Variants in RBMS3 observed in about 807,000 individuals in gnomAD.
RBMS3 encodes the protein RNA-binding motif, single-stranded-interacting protein 3.
A neutral mutation model predicts 66.8 loss-of-function variants in RBMS3; 27 were observed. That is an observed-to-expected ratio of 0.40 (90% confidence interval 0.30 to 0.56). The LOEUF is 0.56. RBMS3 is among the 20% of genes least tolerant of loss of function. The pLI, the probability that RBMS3 is intolerant of heterozygous loss-of-function variation, is 0.40. For missense variants in RBMS3, 513 were observed against 549.5 expected (o/e 0.93, Z 0.66); for synonymous variants, 188 against 183.0 (o/e 1.03, Z -0.22).
chr3:29,740,897 G>C (rs539251636), intron 5 of RBMS3, among the ~76,000 whole-genome samples: 2 of 151,946 alleles, frequency 1.3e-5, no homozygotes, highest in African/African-American at 4.8e-5. Context: ...AAAATTAGCC[G>C]TTGCGTGGTG....
intron 4 of RBMS3, among the ~76,000 whole-genome samples, chr3:29,612,686 A>T (rs1473256492): frequency 6.6e-6 from 1 of 152,074 alleles, no homozygotes; most frequent in Non-Finnish European, 1.5e-5. Context: ...ATAAATGGTT[A>T]TGAATGAAGC....
At chr3:29,522,725 G>A (rs760022189) in intron 3 of RBMS3, among the ~76,000 whole-genome samples, 4 of 152,018 alleles carry the variant, frequency 2.6e-5, no homozygotes, top group Admixed American at 6.6e-5. Context: ...TCTTTTATTC[G>A]TCTGCCAATA....
rs4680831 is a variant in RBMS3 at position 29,415,177 on chromosome 3, G to T, written c.76-19566G>T. Among the ~76,000 whole-genome samples the T allele has an allele frequency of 3.4e-4, 52 of 152,176 alleles. 2 individuals are homozygous for T. Among genetic ancestry groups the T allele is most frequent in the Admixed American group, 3.0e-3 (46 of 15,286 alleles). ...GATGATATTACTCAACAGGGCCCTC[G>T]TAAGTGCCCAGTTCTGTTGGATGTT... On this transcript the variant is annotated intron_variant, in intron 1 of 14. Transcript: ENST00000383767.
chr3:29,576,593 T>C (rs1385177725), intron 3 of RBMS3, among the ~76,000 whole-genome samples: 3 of 152,180 alleles, frequency 2.0e-5, no homozygotes, highest in Admixed American at 2.0e-4. Flanking sequence ...AGGCCCCAGG[T>C]GGGTCCAGAG....
chr3:29,732,425 T>C (rs2054177854), intron 4 of RBMS3, among the ~76,000 whole-genome samples: 1 of 152,168 alleles, frequency 6.6e-6, no homozygotes, highest in Non-Finnish European at 1.5e-5. Flanking sequence ...AACGTTAAAC[T>C]CATTCAAAAA....
chr3:29,353,813 A>G (rs2037062687), intron 1 of RBMS3, among the ~76,000 whole-genome samples: 1 of 152,112 alleles, frequency 6.6e-6, no homozygotes, highest in African/African-American at 2.4e-5. Context: ...AGAGATCAAC[A>G]CTTGTATTTT....
At chr3:29,364,900 G>A (rs1277039846) in intron 1 of RBMS3, among the ~76,000 whole-genome samples, 2 of 152,052 alleles carry the variant, frequency 1.3e-5, no homozygotes, top group Non-Finnish European at 2.9e-5. Context: ...TAATGAGTTC[G>A]TGGAGTCACT....
At chr3:29,296,089 C>A (rs1199779920) in intron 1 of RBMS3, among the ~76,000 whole-genome samples, 1 of 151,730 alleles carries the variant, frequency 6.6e-6, no homozygotes, top group Non-Finnish European at 1.5e-5. Flanking sequence ...ACAGGAATAT[C>A]TTCCTTCCTT....
intron 4 of RBMS3, among the ~76,000 whole-genome samples, chr3:29,653,473 A>G (rs1326659402): frequency 2.6e-5 from 4 of 152,140 alleles, no homozygotes; most frequent in African/African-American, 9.7e-5. Flanking sequence ...TCTCTGAACC[A>G]TGTTTAACTG....
At chr3:29,896,207 T>TC (rs2060120870) in intron 8 of RBMS3, among the ~76,000 whole-genome samples, 1 of 151,416 alleles carries the variant, frequency 6.6e-6, no homozygotes, top group African/African-American at 2.4e-5. Flanking sequence ...ATTCCTTGAA[T>TC]CCTGACAACC....
intron 6 of RBMS3, among the ~76,000 whole-genome samples, chr3:29,780,218 GC>G (rs980201700): frequency 2.0e-5 from 3 of 151,790 alleles, no homozygotes; most frequent in African/African-American, 7.3e-5. Context: ...AACCAGATAT[GC>G]CCCTGAGCGC....
At chr3:29,471,821 C>T (rs2042739603) in intron 2 of RBMS3, among the ~76,000 whole-genome samples, 2 of 135,200 alleles carry the variant, frequency 1.5e-5, no homozygotes, top group Admixed American at 8.6e-5. Flanking sequence ...ATAATTTATT[C>T]TCATCTCTAA....
At chr3:29,701,514 G>T (rs1288876155) in intron 4 of RBMS3, among the ~76,000 whole-genome samples, 1 of 152,130 alleles carries the variant, frequency 6.6e-6, no homozygotes, top group Non-Finnish European at 1.5e-5. Flanking sequence ...TGCACTATGG[G>T]AGCCCCTCTC....
intron 4 of RBMS3, among the ~76,000 whole-genome samples, chr3:29,656,085 TAAA>T (rs1216519496): frequency 3.3e-5 from 5 of 152,184 alleles, no homozygotes; most frequent in Admixed American, 2.6e-4. Context: ...TTTTTTTAAT[TAAA>T]AAATTTATAA....
intron 4 of RBMS3, among the ~76,000 whole-genome samples, chr3:29,702,735 G>T (rs920527310): frequency 2.0e-5 from 3 of 151,998 alleles, no homozygotes; most frequent in East Asian, 1.9e-4. Context: ...AACACTCACC[G>T]TGAAGGTCTG....
chr3:29,704,361 AAAG>A (rs2149295461), intron 4 of RBMS3, among the ~76,000 whole-genome samples: 1 of 152,330 alleles, frequency 6.6e-6, no homozygotes. Flanking sequence ...ATTGGTATAT[AAAG>A]AAGGTTTCAT....
At chr3:29,986,874 C>T (rs1252689281) in intron 12 of RBMS3, among the ~76,000 whole-genome samples, 1 of 152,112 alleles carries the variant, frequency 6.6e-6, no homozygotes, top group African/African-American at 2.4e-5. Context: ...ACCCTGGAGG[C>T]AGAGCTTGCA....
chr3:29,346,437 T>C (rs1382747050), intron 1 of RBMS3, among the ~76,000 whole-genome samples: 1 of 144,510 alleles, frequency 6.9e-6, no homozygotes, highest in African/African-American at 2.6e-5. Flanking sequence ...GGAGTCTTGC[T>C]TTGTCGCCCA....
intron 1 of RBMS3, among the ~76,000 whole-genome samples, chr3:29,407,110 G>T (rs1274401022): frequency 6.6e-6 from 1 of 152,202 alleles, no homozygotes; most frequent in Middle Eastern, 3.2e-3. Flanking sequence ...ACATTCCAAT[G>T]CAGTTCAGTG....
Sources: gnomAD v4.1 joint callset for allele counts (sites outside exome capture counted in the v4.1 genomes callset) on GRCh38, gnomAD v4.1.1 for gene constraint, MANE v1.5 for transcripts, NCBI Gene and HGNC (gene_info 2026-07-23, HGNC 2026-07-21) for gene names.